LIMS1: variants seen among roughly 807,000 people sequenced by gnomAD.
The protein encoded by LIMS1 is LIM and senescent cell antigen-like-containing domain protein 1.
In LIMS1, 18 loss-of-function variants were observed where a neutral mutation model predicts 44.1. The observed-to-expected ratio is 0.41, with a 90% CI of 0.28 to 0.61. The LOEUF (loss-of-function observed/expected upper bound fraction) is 0.61. Ranked by LOEUF, LIMS1 falls within the 20% of genes least tolerant of loss-of-function variation. LIMS1 has a pLI of 0.32. For synonymous variants in LIMS1, 93 were observed against 149.1 expected (o/e 0.62, Z 2.74); for missense variants, 201 against 422.0 (o/e 0.48, Z 4.59).
At chr2:108,630,406 T>C (rs1688844603) in intron 1 of LIMS1, among the ~76,000 whole-genome samples, 3 of 152,166 alleles carry the variant, frequency 2.0e-5, no homozygotes, top group Admixed American at 6.5e-5. Flanking sequence ...AGGGAATTTG[T>C]TTCAAAATAT....
At chr2:108,549,727 A>G (rs1055960766) in intron 1 of LIMS1, among the ~76,000 whole-genome samples, 12 of 152,188 alleles carry the variant, frequency 7.9e-5, no homozygotes, top group Non-Finnish European at 1.6e-4. Context: ...TTCTTTTGGT[A>G]AAATGGACAG....
At chr2:108,561,755 T>TG (rs1178691151) in intron 1 of LIMS1, among the ~76,000 whole-genome samples, 1 of 151,112 alleles carries the variant, frequency 6.6e-6, no homozygotes, top group Non-Finnish European at 1.5e-5. Context: ...TGTTTTTTTT[T>TG]TTTTTGAGGC....
At chr2:108,585,786 G>A (rs1044129190) in intron 1 of LIMS1, among the ~76,000 whole-genome samples, 1 of 152,156 alleles carries the variant, frequency 6.6e-6, no homozygotes, top group African/African-American at 2.4e-5. Context: ...TCAAATGTAA[G>A]ATAAGGACTG....
At chr2:108,544,915 T>C (rs1370601062) in intron 1 of LIMS1, among the ~76,000 whole-genome samples, 2 of 152,190 alleles carry the variant, frequency 1.3e-5, no homozygotes, top group African/African-American at 2.4e-5. Context: ...ATAAGGACTC[T>C]TCAAAAAACT....
At chr2:108,619,303 C>T (rs1024971610) in intron 1 of LIMS1, among the ~76,000 whole-genome samples, 9 of 150,506 alleles carry the variant, frequency 6.0e-5, no homozygotes, top group Non-Finnish European at 4.4e-5. Context: ...ATTCATTAGG[C>T]GTCTATTCTG....
At chr2:108,575,051 C>A (rs1273386148) in intron 1 of LIMS1, among the ~76,000 whole-genome samples, 1 of 152,122 alleles carries the variant, frequency 6.6e-6, no homozygotes, top group East Asian at 1.9e-4. Context: ...TGAAATTTGG[C>A]AGGATACTCT....
intron 1 of LIMS1, among the ~76,000 whole-genome samples, chr2:108,640,273 C>T (rs1689577231): frequency 6.6e-6 from 1 of 152,186 alleles, no homozygotes; most frequent in South Asian, 2.1e-4. Context: ...TTACAAAGTC[C>T]TTTGTGGGTA....
At chr2:108,540,510 A>T (rs1465207334) in intron 1 of LIMS1, among the ~76,000 whole-genome samples, 1 of 152,086 alleles carries the variant, frequency 6.6e-6, no homozygotes, top group East Asian at 1.9e-4. Flanking sequence ...TAAAGTACAG[A>T]TTCTTTTAAA....
In LIMS1 at chr2:108,681,065, A is replaced by G; in HGVS notation, c.899+295A>G. 6 of 1,294,556 alleles carry G rather than the reference A, an allele frequency of 4.6e-6. No homozygotes were observed. The South Asian group carries it at 1.3e-4, about 29-fold the overall frequency. The allele number at this position is 1,294,556 out of a possible 1,614,324, so 80.2% of individuals were successfully genotyped here. A position where few individuals can be genotyped will look rare whatever the true frequency, so the allele number is the denominator to read the frequency against. On this transcript the variant is annotated intron_variant, in intron 9 of 9. Transcript: ENST00000544547. The stretch of plus-strand genomic sequence containing the variant: ...AGAGGCGACTTGCCAAACGGGAGAG[A>G]GAAGCAAAGGATAAGGACAAGCAGA...
At chr2:108,534,331 G>A (rs1361216110), upstream of LIMS1, 1 of 151,134 alleles carries the variant, frequency 6.6e-6, no homozygotes, top group African/African-American at 2.9e-5. Context: ...CGCCCGCCCC[G>A]CCAGTCCCCG....
intron 1 of LIMS1, among the ~76,000 whole-genome samples, chr2:108,557,027 G>T (rs1475917841): frequency 6.6e-6 from 1 of 152,068 alleles, no homozygotes; most frequent in African/African-American, 2.4e-5. Context: ...ATCCGCCTTC[G>T]TTCAGTCCTG....
intron 1 of LIMS1, among the ~76,000 whole-genome samples, chr2:108,561,287 T>C (rs934504728): frequency 2.0e-5 from 3 of 152,258 alleles, no homozygotes; most frequent in African/African-American, 7.2e-5. Flanking sequence ...ATTTTCTGAC[T>C]GTGCTTAATC....
intron 1 of LIMS1, among the ~76,000 whole-genome samples, chr2:108,615,290 G>T (rs1687868677): frequency 6.6e-6 from 1 of 152,096 alleles, no homozygotes; most frequent in Non-Finnish European, 1.5e-5. Flanking sequence ...ATGTGCTAAA[G>T]TTTTAGCTTT....
At chr2:108,627,939 G>T (rs1190924450) in intron 1 of LIMS1, among the ~76,000 whole-genome samples, 1 of 152,272 alleles carries the variant, frequency 6.6e-6, no homozygotes, top group Admixed American at 6.5e-5. Context: ...AAACTGTGTA[G>T]CTTCAAACTA....
intron 1 of LIMS1, among the ~76,000 whole-genome samples, chr2:108,567,615 A>G (rs1211597367): frequency 6.6e-6 from 1 of 152,136 alleles, no homozygotes; most frequent in Non-Finnish European, 1.5e-5. Flanking sequence ...TCTGTCATCC[A>G]GGCTGGAGTG....
chr2:108,649,607 T>A (rs1021078981), intron 1 of LIMS1, among the ~76,000 whole-genome samples: 1 of 152,050 alleles, frequency 6.6e-6, no homozygotes, highest in Non-Finnish European at 1.5e-5. Flanking sequence ...ATAAAGAAAA[T>A]GTAGCATATA....
At chr2:108,627,829 T>C (rs1197547449) in intron 1 of LIMS1, among the ~76,000 whole-genome samples, 1 of 152,248 alleles carries the variant, frequency 6.6e-6, no homozygotes, top group African/African-American at 2.4e-5. Context: ...AATCTTCTTT[T>C]AGAAGTAATT....
intron 2 of LIMS1, among the ~76,000 whole-genome samples, chr2:108,669,425 T>C (rs1692013509): frequency 6.6e-6 from 1 of 152,116 alleles, no homozygotes; most frequent in South Asian, 2.1e-4. Flanking sequence ...AAAGTTATTT[T>C]TTCTAGGAGA....
chr2:108,577,779 A>C lies in LIMS1; in HGVS notation c.32+43185A>C, dbSNP rs993562170. Among the ~76,000 whole-genome samples the C allele has an allele frequency of 4.4e-4, 67 of 152,232 alleles. 1 individual carries two copies. Among genetic ancestry groups the C allele is most frequent in the Non-Finnish European group, 5.7e-4 (39 of 68,038 alleles). ...GTTTAGCATTTCTGGGAACTTAATAAAGTATTTTGGCTCAGCAGTTAAAAA... is the reference window on the plus strand; with the variant it reads ...GTTTAGCATTTCTGGGAACTTAATACAGTATTTTGGCTCAGCAGTTAAAAA... On this transcript the variant is annotated intron_variant, in intron 1 of 9. Coordinates refer to ENST00000544547, the Ensembl canonical transcript of LIMS1.
Sources: gnomAD v4.1 joint callset for allele counts (sites outside exome capture counted in the v4.1 genomes callset) on GRCh38, gnomAD v4.1.1 for gene constraint, MANE v1.5 for transcripts, NCBI Gene and HGNC (gene_info 2026-07-23, HGNC 2026-07-21) for gene names.